Variants in PXDNL observed in about 807,000 individuals in gnomAD.
PXDNL encodes the protein peroxidasin like.
Under a neutral mutation model 150.8 loss-of-function variants are expected in PXDNL, and 145 were observed. That is an observed-to-expected ratio of 0.96 (90% CI 0.84 to 1.10). The LOEUF is 1.10. Ranked by LOEUF, PXDNL falls within the 50% of genes least tolerant of loss-of-function variation. The pLI, the probability that PXDNL is intolerant of heterozygous loss-of-function variation, is 0.00. For synonymous variants in PXDNL, 757 were observed against 725.7 expected (o/e 1.04, Z -0.69); for missense variants, 2,087 against 1,873.9 (o/e 1.11, Z -2.10).
intron 3 of PXDNL, among the ~76,000 whole-genome samples, chr8:51,565,245 G>A (rs552410310): frequency 6.6e-6 from 1 of 150,530 alleles, no homozygotes; most frequent in South Asian, 2.1e-4. Context: ...AAGGAAAAGG[G>A]CTCTCCTAGC....
intron 2 of PXDNL, among the ~76,000 whole-genome samples, chr8:51,652,502 C>A (rs1815063956): frequency 6.6e-6 from 1 of 151,350 alleles, no homozygotes; most frequent in South Asian, 2.1e-4. Context: ...GTACACACAA[C>A]TTACTGTTTA....
intron 2 of PXDNL, among the ~76,000 whole-genome samples, chr8:51,614,172 G>C (rs10105672): frequency 6.6e-6 from 1 of 152,148 alleles, no homozygotes; most frequent in Non-Finnish European, 1.5e-5. Context: ...AGATCAGTCA[G>C]CACCAGTCAT....
At chr8:51,761,489 T>G (rs2037165990) in intron 1 of PXDNL, among the ~76,000 whole-genome samples, 1 of 152,218 alleles carries the variant, frequency 6.6e-6, no homozygotes, top group South Asian at 2.1e-4. Flanking sequence ...TTATTACCCC[T>G]GATAAATATT....
intron 3 of PXDNL, among the ~76,000 whole-genome samples, chr8:51,562,913 C>T (rs1419085144): frequency 1.3e-5 from 2 of 151,878 alleles, no homozygotes; most frequent in African/African-American, 2.4e-5. Flanking sequence ...GGATGTGACA[C>T]CAAGAGTCAT....
chr8:51,324,517 G>T (rs1805425617), intron 21 of PXDNL, among the ~76,000 whole-genome samples: 1 of 152,136 alleles, frequency 6.6e-6, no homozygotes, highest in South Asian at 2.1e-4. Context: ...CTTTGGAATT[G>T]TCCTTCCCTT....
intron 1 of PXDNL, among the ~76,000 whole-genome samples, chr8:51,744,624 C>T (rs1392339939): frequency 1.1e-4 from 12 of 108,238 alleles, no homozygotes; most frequent in Admixed American, 3.0e-4. Flanking sequence ...TGCAGTGAGC[C>T]AAGATGGCAC....
In PXDNL at chr8:51,599,729, A is replaced by C. The variant is rs183369299; in HGVS notation, c.237-7031T>G. Reference sequence around the variant, plus strand: ...TATAAATGATGTCATTTATATAATAAATTATATCTTATATAAATGATATCG... The same window carrying C: ...TATAAATGATGTCATTTATATAATACATTATATCTTATATAAATGATATCG... On this transcript the variant is annotated intron_variant, in intron 2 of 22. Coordinates refer to ENST00000356297, the MANE Select transcript of PXDNL (RefSeq NM_144651.5). Among the ~76,000 whole-genome samples, 157 of 146,364 alleles carry C rather than the reference A, an allele frequency of 1.1e-3. 2 individuals are homozygous for C. Among genetic ancestry groups the C allele is most frequent in the African/African-American group, 3.7e-3 (148 of 40,064 alleles).
chr8:51,783,222 A>T (rs1167497500), intron 1 of PXDNL, among the ~76,000 whole-genome samples: 1 of 152,200 alleles, frequency 6.6e-6, no homozygotes, highest in Non-Finnish European at 1.5e-5. Flanking sequence ...ACCAGCTGGC[A>T]TCACGTAGCT....
intron 1 of PXDNL, among the ~76,000 whole-genome samples, chr8:51,729,672 A>G (rs1348649810): frequency 6.6e-6 from 1 of 152,212 alleles, no homozygotes; most frequent in East Asian, 1.9e-4. Context: ...GGAAATCTTA[A>G]TTCACACAGA....
intron 1 of PXDNL, among the ~76,000 whole-genome samples, chr8:51,750,534 G>A (rs1382100114): frequency 1.3e-5 from 2 of 152,182 alleles, no homozygotes; most frequent in African/African-American, 4.8e-5. Context: ...TGGGACCACT[G>A]TCATATACAC....
rs536387349 is a variant in PXDNL, at chr8:51,770,148, C to T, written c.164+39033G>A. Among the ~76,000 whole-genome samples the T allele has an allele frequency of 3.2e-4, 49 of 152,294 alleles. No homozygotes were observed. The South Asian group carries it at 9.7e-3, about 30-fold the overall frequency. ...TATCCCATAAATGTCCCTAAAACAC[C>T]ATCTCCAAGGAGACAGATTTGAGAG... is the stretch of plus-strand genomic sequence containing the variant. On this transcript the variant is annotated intron_variant, in intron 1 of 22. Transcript: ENST00000356297.
At chr8:51,537,907 C>CCA (rs1293752466) in intron 4 of PXDNL, among the ~76,000 whole-genome samples, 22 of 152,144 alleles carry the variant, frequency 1.4e-4, no homozygotes, top group Admixed American at 1.4e-3. Context: ...ATCGGAAAAG[C>CCA]CACACCACTT....
At chr8:51,407,122 A>G (rs575336675) in intron 17 of PXDNL, among the ~76,000 whole-genome samples, 1 of 152,332 alleles carries the variant, frequency 6.6e-6, no homozygotes, top group South Asian at 2.1e-4. Flanking sequence ...ACAGAGATTT[A>G]AACCAGGTCT....
At chr8:51,631,674 T>C (rs1178884746) in intron 2 of PXDNL, among the ~76,000 whole-genome samples, 2 of 152,152 alleles carry the variant, frequency 1.3e-5, no homozygotes, top group African/African-American at 2.4e-5. Flanking sequence ...CTTCTTTTGA[T>C]TTCCCATATG....
At position 51,408,814 on chromosome 8, in the gene PXDNL, G is replaced by C; in HGVS notation, c.2810C>G (p.Ser937Cys). ...PPSGKPLLPF[S>C]TGPPTECARQ... is the part of the protein sequence containing the mutation. ...CGCGCACTCGGTGGGTGGGCCTGTA[G>C]AAAAGGGCAATAAGGGCTTTCCGGA... Residue 937 changes from serine to cysteine, a missense_variant, in exon 17 of 23, where the codon TCT (serine) becomes TGT (cysteine). Transcript: ENST00000356297. 6.4e-7 allele frequency: 1 copy of C among 1,570,236 alleles called. No homozygotes were observed. Among genetic ancestry groups the C allele is most frequent in the Non-Finnish European group, 8.6e-7 (1 of 1,159,044 alleles).
chr8:51,454,126 T>G (rs1809875670), intron 9 of PXDNL, among the ~76,000 whole-genome samples: 1 of 152,184 alleles, frequency 6.6e-6, no homozygotes. Context: ...TTAAACACAG[T>G]TTAGGCACAT....
At chr8:51,380,716 C>G (rs1286366448) in intron 17 of PXDNL, among the ~76,000 whole-genome samples, 3 of 152,096 alleles carry the variant, frequency 2.0e-5, no homozygotes, top group Non-Finnish European at 4.4e-5. Context: ...CCATTTATGT[C>G]TATTCATGTT....
rs2130885262 is a variant in PXDNL, at chr8:51,408,301, G to A, written c.3323C>T (p.Ala1108Val). The A allele has an allele frequency of 6.2e-7, 1 of 1,613,968 alleles. No homozygotes were observed. Among genetic ancestry groups the A allele is most frequent in the Non-Finnish European group, 8.5e-7 (1 of 1,179,874 alleles). Reference sequence around the variant, plus strand: ...GTAGGAGGGTGCCCGCCATTTAGCAGCCACGCCAAACAGCCCCCGGAGAAC... The same window carrying A: ...GTAGGAGGGTGCCCGCCATTTAGCAACCACGCCAAACAGCCCCCGGAGAAC... ...DPVLRGLFGV[A>V]AKWRAPSYLL... Residue 1108 changes from alanine to valine, a missense_variant, in exon 17 of 23, where the codon GCT becomes GTT. Physicochemically the swap from Ala to Val is moderately conservative, Grantham distance 64. Transcript: ENST00000356297.
At chr8:51,794,149 G>A (rs2129258100) in intron 1 of PXDNL, among the ~76,000 whole-genome samples, 1 of 152,226 alleles carries the variant, frequency 6.6e-6, no homozygotes, top group African/African-American at 2.4e-5. Context: ...AGACCTCTGA[G>A]AACTATGGGA....
Sources: gnomAD v4.1 joint callset for allele counts (sites outside exome capture counted in the v4.1 genomes callset) on GRCh38, gnomAD v4.1.1 for gene constraint, MANE v1.5 for transcripts, NCBI Gene and HGNC (gene_info 2026-07-23, HGNC 2026-07-21) for gene names.